The following USP8 variants were observed in gnomAD, a reference collection of about 807,000 sequenced individuals.
USP8 encodes ubiquitin carboxyl-terminal hydrolase 8.
Under a neutral mutation model 130.0 loss-of-function variants are expected in USP8, and 27 were observed. The ratio of observed to expected loss-of-function variants is 0.21; its 90% CI spans 0.15 to 0.29. USP8 has a LOEUF of 0.29. Among genes scored for constraint, USP8 ranks in the 10% least tolerant of loss-of-function variants. The probability of loss-of-function intolerance (pLI) is 1.00; values close to 1 mark genes in which losing one functional copy is unlikely to be tolerated. For missense variants in USP8, 1,029 were observed against 1,312.2 expected (o/e 0.78, Z 3.33); for synonymous variants, 392 against 444.1 (o/e 0.88, Z 1.48).
chr15:50,450,916 C>T (rs532544830), intron 4 of USP8, among the ~76,000 whole-genome samples: 1 of 152,140 alleles, frequency 6.6e-6, no homozygotes, highest in Admixed American at 6.6e-5. Context: ...CAATATGATA[C>T]AGAAGGAGAG....
chr15:50,498,805 T>C, intron 19 of USP8, 77 bp downstream of exon 19: 3 of 1,552,104 alleles, frequency 1.9e-6, no homozygotes, highest in Non-Finnish European at 1.7e-6. Flanking sequence ...TCCTACCTCA[T>C]GGAAGAGTAA....
chr15:50,493,196 C>T (rs1362406834), intron 15 of USP8: 2 of 521,764 alleles, frequency 3.8e-6, no homozygotes, highest in Non-Finnish European at 3.7e-6. Context: ...ATCCTGTTCA[C>T]CCGGGAGGGG....
Position 50,490,537 on chromosome 15 carries a change from T to C in USP8, c.2234+12T>C. ...AATCGGGAAAACAAGTATGTTTATC[T>C]TAACTCCTAGAACTAAAATAATGTG... On this transcript the variant is annotated intron_variant, in intron 14 of 19. Transcript: ENST00000307179. 1 of 1,611,826 alleles carries C rather than the reference T, an allele frequency of 6.2e-7. No individual in the cohort carries two copies. Among genetic ancestry groups the C allele is most frequent in the South Asian group, 1.1e-5 (1 of 90,950 alleles).
chr15:50,490,756 G>A (rs926934047), intron 14 of USP8, among the ~76,000 whole-genome samples: 2 of 152,066 alleles, frequency 1.3e-5, no homozygotes, highest in Non-Finnish European at 2.9e-5. Flanking sequence ...AAGTGTTAAT[G>A]TAGATATAAA....
chr15:50,458,227 C>A (rs892521552), intron 4 of USP8, among the ~76,000 whole-genome samples: 1 of 152,204 alleles, frequency 6.6e-6, no homozygotes, highest in Admixed American at 6.5e-5. Context: ...TCTCGGCTCA[C>A]TGCATCCTCC....
chr15:50,429,654 A>C (rs113049605), intron 1 of USP8, among the ~76,000 whole-genome samples: 10 of 152,298 alleles, frequency 6.6e-5, no homozygotes, highest in Non-Finnish European at 1.5e-4. Context: ...TGGACAACAT[A>C]GTGAGACTCT....
chr15:50,495,952 T>C lies in USP8; in HGVS notation c.2763T>C (p.Ile921=). ...AACACAAGCAGCTCAATGAGTCTAT[T>C]ATTGTTGCACTTTTTCAGGGTCAAT... is the stretch of plus-strand genomic sequence containing the variant. The part of the protein sequence containing the change: ...WQKHKQLNES[I]IVALFQGQFK... The change falls in exon 17 of 20, where the codon ATT becomes ATC. Residue 921 remains isoleucine (I), a synonymous_variant. Transcript: ENST00000307179. The C allele has an allele frequency of 6.2e-7, 1 of 1,613,894 alleles. No homozygotes were observed. Among genetic ancestry groups the C allele is most frequent in the African/African-American group, 1.3e-5 (1 of 75,020 alleles).
At chr15:50,449,348 C>A in intron 3 of USP8, 52 bp from the exon 4 acceptor site, 1 of 1,198,924 alleles carries the variant, frequency 8.3e-7, no homozygotes, top group South Asian at 1.5e-5. Context: ...ACACTAGTGT[C>A]ACATGCAATG....
At position 50,508,189 on chromosome 15, in the gene USP8, T is replaced by TA. The variant is rs762480722; in HGVS notation, c.*9108dup. 28 of 150,762 alleles carry TA rather than the reference T, an allele frequency of 1.9e-4. No homozygotes were observed. The highest frequency in any genetic ancestry group is 3.2e-4 in the Non-Finnish European group (22 of 67,740). 9.3% of individuals were successfully genotyped at this position (150,762 alleles called of 1,614,324 possible). A position where few individuals can be genotyped will look rare whatever the true frequency, so the allele number is the denominator to read the frequency against. ...ACAAAAAATCAATACTTTTGGAAAT[T>TA]AAAAAAACACTTCTAAGTAACTTTA... On this transcript the variant is annotated 3_prime_UTR_variant, in exon 20 of 20. Transcript: ENST00000307179.
Position 50,480,506 on chromosome 15 carries a change from G to C in USP8, c.1219-975G>C, listed in dbSNP as rs1342155378. 5.9e-5 allele frequency among the ~76,000 whole-genome samples: 9 copies of C among 152,256 alleles called. No homozygotes were observed. In the South Asian group the frequency reaches 1.2e-3, roughly 21 times the overall value. ...TATAAGAGCATGTATCAGGGGACTT[G>C]GCTAGTTCTAGGAACCAGGGAAGTC... is the stretch of plus-strand genomic sequence containing the variant. On this transcript the variant is annotated intron_variant, in intron 10 of 19. Coordinates refer to ENST00000307179, the MANE Select transcript of USP8 (RefSeq NM_005154.5).
intron 3 of USP8, among the ~76,000 whole-genome samples, chr15:50,443,954 T>G (rs556263008): frequency 1.3e-5 from 2 of 152,268 alleles, no homozygotes; most frequent in Admixed American, 1.3e-4. Context: ...CAAACAAGTT[T>G]TTGCACGCTC....
rs747106169 is a variant in USP8 at position 50,477,464 on chromosome 15, A to G, written c.1183A>G (p.Ile395Val). 2.5e-6 allele frequency: 4 copies of G among 1,614,132 alleles called. No homozygotes were observed. Among genetic ancestry groups the G allele is most frequent in the Non-Finnish European group, 2.5e-6 (3 of 1,180,014 alleles). ...AASKSDVSPI[I>V]QPVPSIKNVP... Reference sequence around the variant, plus strand: ...TTCTAAATCTGATGTTTCACCCATAATTCAGCCAGTGCCTAGTATAAAGAA... The same window carrying G: ...TTCTAAATCTGATGTTTCACCCATAGTTCAGCCAGTGCCTAGTATAAAGAA... The change falls in exon 10 of 20, where the codon ATT (isoleucine) becomes GTT (valine). Residue 395 changes from isoleucine to valine, a missense_variant. By Grantham distance (29) the Ile-to-Val change is conservative. Transcript: ENST00000307179.
chr15:50,458,057 C>T (rs2050853337), intron 4 of USP8, among the ~76,000 whole-genome samples: 6 of 152,104 alleles, frequency 3.9e-5, no homozygotes, highest in Admixed American at 2.6e-4. Flanking sequence ...AGCTCACAGA[C>T]ATTGCCAAGC....
rs1321341217 is a variant in USP8, at chr15:50,481,910, G to A, written c.1648G>A (p.Gly550Arg). Residue 550 changes from glycine (G) to arginine (R), a missense_variant, in exon 11 of 20, where the codon GGA becomes AGA. Around this residue, in one of 4 missense-constraint regions of USP8, gnomAD observed 486 missense variants for 522.0 expected, o/e 0.93. Coordinates refer to ENST00000307179, the MANE Select transcript of USP8 (RefSeq NM_005154.5). The part of the protein sequence containing the change: ...TSAKRGKEIT[G>R]VKRQSKSEHE... Reference sequence around the variant, plus strand: ...AGCAAAGAGGGGCAAAGAAATAACAGGAGTAAAAAGACAAAGTAAAAGTGA... The same window carrying A: ...AGCAAAGAGGGGCAAAGAAATAACAAGAGTAAAAAGACAAAGTAAAAGTGA... 1 of 1,603,846 alleles carries A rather than the reference G, an allele frequency of 6.2e-7. No individual in the cohort carries two copies. The highest frequency in any genetic ancestry group is 8.5e-7 in the Non-Finnish European group (1 of 1,176,382).
intron 4 of USP8, among the ~76,000 whole-genome samples, chr15:50,449,781 C>G (rs991432085): frequency 2.0e-5 from 3 of 151,656 alleles, no homozygotes; most frequent in Non-Finnish European, 4.4e-5. Flanking sequence ...CAGGGTTTCA[C>G]CATGTTAGCC....
intron 4 of USP8, chr15:50,458,661 G>A (rs745355002): frequency 7.6e-5 from 15 of 197,652 alleles, no homozygotes; most frequent in Non-Finnish European, 1.4e-4. Context: ...TGATATTTGG[G>A]CTGTTTCTTT....
chr15:50,488,705 T>G (rs1262265576), intron 12 of USP8, among the ~76,000 whole-genome samples: 1 of 151,640 alleles, frequency 6.6e-6, no homozygotes, highest in Non-Finnish European at 1.5e-5. Context: ...GCTGGAATTA[T>G]AGGTGCATAC....
At position 50,500,547 on chromosome 15, in the gene USP8, T is replaced by C; in HGVS notation, c.*1459T>C. 2.1e-6 allele frequency: 1 copy of C among 471,376 alleles called. No homozygotes were observed. The highest frequency in any genetic ancestry group is 3.9e-6 in the Non-Finnish European group (1 of 257,566). The allele number at this position is 471,376 out of a possible 1,614,324, so 29.2% of individuals were successfully genotyped here. ...ATAACATGCCCACAAGGCATAAAAA[T>C]GTTAATGATGCAAGTAAGTTCTAAG... On this transcript the variant is annotated 3_prime_UTR_variant, in exon 20 of 20. Coordinates refer to ENST00000307179, the MANE Select transcript of USP8 (RefSeq NM_005154.5).
chr15:50,458,440 G>T (rs556371189), intron 4 of USP8: 12 of 153,866 alleles, frequency 7.8e-5, no homozygotes, highest in Non-Finnish European at 1.6e-4. Flanking sequence ...GTGAGCCACC[G>T]CACCCAGCCA....
Sources: allele counts gnomAD v4.1 joint callset (sites outside exome capture counted in the v4.1 genomes callset), GRCh38; gene constraint gnomAD v4.1.1; regional missense constraint gnomAD v4.1.1; transcripts MANE v1.5; gene names NCBI Gene and HGNC (gene_info 2026-07-23, HGNC 2026-07-21).